WDR70: variants seen among roughly 807,000 people sequenced by gnomAD.
WDR70 encodes WD repeat-containing protein 70.
A neutral mutation model predicts 88.6 loss-of-function variants in WDR70; 53 were observed. The observed-to-expected ratio is 0.60, with a 90% CI of 0.48 to 0.75. WDR70 has a LOEUF of 0.75. WDR70 is among the 30% of genes least tolerant of loss of function. The pLI, the probability that WDR70 is intolerant of heterozygous loss-of-function variation, is 0.00. For synonymous variants in WDR70, 280 were observed against 270.0 expected (o/e 1.04, Z -0.36); for missense variants, 610 against 823.2 (o/e 0.74, Z 3.17).
chr5:37,559,086 A>C (rs1182751671), intron 9 of WDR70, among the ~76,000 whole-genome samples: 3 of 151,994 alleles, frequency 2.0e-5, no homozygotes, highest in Non-Finnish European at 4.4e-5. Flanking sequence ...GGTGCCCGCC[A>C]CCATGCCCAG....
chr5:37,600,959 T>A (rs1291500195), intron 9 of WDR70, among the ~76,000 whole-genome samples: 4 of 152,246 alleles, frequency 2.6e-5, no homozygotes, highest in Non-Finnish European at 5.9e-5. Context: ...TTTAGAGTTT[T>A]CTGTATGTAA....
At chr5:37,745,453 G>T (rs547741232) in intron 17 of WDR70, among the ~76,000 whole-genome samples, 2 of 151,768 alleles carry the variant, frequency 1.3e-5, no homozygotes, top group East Asian at 3.9e-4. Flanking sequence ...TGGGCTAAAT[G>T]TCCCAATTAA....
chr5:37,569,843 A>G (rs936903976), intron 9 of WDR70, among the ~76,000 whole-genome samples: 1 of 152,210 alleles, frequency 6.6e-6, no homozygotes, highest in African/African-American at 2.4e-5. Flanking sequence ...TTAGGCCTAA[A>G]GGATGGATTG....
At chr5:37,385,504 G>A (rs1378251158) in intron 3 of WDR70, among the ~76,000 whole-genome samples, 1 of 116,896 alleles carries the variant, frequency 8.6e-6, no homozygotes, top group Non-Finnish European at 1.7e-5. Flanking sequence ...GAGTAAAAAA[G>A]CGAGAGCCTG....
At chr5:37,626,357 T>G (rs1561928136) in intron 10 of WDR70, among the ~76,000 whole-genome samples, 1 of 152,232 alleles carries the variant, frequency 6.6e-6, no homozygotes, top group East Asian at 1.9e-4. Flanking sequence ...TATTTCTACA[T>G]CTATTGAGAT....
chr5:37,426,561 A>G (rs1190588934), intron 5 of WDR70, among the ~76,000 whole-genome samples: 1 of 152,204 alleles, frequency 6.6e-6, no homozygotes, highest in Non-Finnish European at 1.5e-5. Flanking sequence ...CCTTACTTAC[A>G]TAGCGGGTGC....
chr5:37,525,023 A>G (rs1741217786), intron 9 of WDR70, among the ~76,000 whole-genome samples: 1 of 152,156 alleles, frequency 6.6e-6, no homozygotes, highest in African/African-American at 2.4e-5. Flanking sequence ...CCTGCACAAT[A>G]ATAATGGGAG....
At chr5:37,478,402 C>G (rs1298334338) in intron 7 of WDR70, among the ~76,000 whole-genome samples, 1 of 152,198 alleles carries the variant, frequency 6.6e-6, no homozygotes, top group Non-Finnish European at 1.5e-5. Flanking sequence ...GTGGTTGATA[C>G]AGCATCAGAT....
At chr5:37,421,457 A>C (rs147316989) in intron 5 of WDR70, among the ~76,000 whole-genome samples, 1 of 152,300 alleles carries the variant, frequency 6.6e-6, no homozygotes, top group East Asian at 1.9e-4. Flanking sequence ...TATCTCTTTC[A>C]TCAAGGAAGA....
At chr5:37,638,530 T>G (rs1249564585) in intron 10 of WDR70, among the ~76,000 whole-genome samples, 1 of 152,186 alleles carries the variant, frequency 6.6e-6, no homozygotes, top group Admixed American at 6.5e-5. Flanking sequence ...GGTAGTAAGT[T>G]TTGTGTCTCA....
At chr5:37,744,556 T>C (rs1748585858) in intron 17 of WDR70, among the ~76,000 whole-genome samples, 1 of 151,926 alleles carries the variant, frequency 6.6e-6, no homozygotes, top group South Asian at 2.1e-4. Flanking sequence ...GAGGAATTGC[T>C]AAACTAGAAT....
Position 37,506,962 on chromosome 5 carries a change from T to C in WDR70, c.841-9552T>C, listed in dbSNP as rs114811674. On this transcript the variant is annotated intron_variant, in intron 8 of 17. Transcript: ENST00000265107. ...TTCCCTTCCCTCCACCCACTTGGAT[T>C]CACCTCCCTTTGCCACCTTCCTGCC... The C allele has an allele frequency of 7.9e-4, 541 of 685,652 alleles. 3 individuals are homozygous for C. The African/African-American group carries it at 8.7e-3, about 11-fold the overall frequency. 42.5% of individuals were successfully genotyped at this position (685,652 alleles called of 1,614,324 possible).
chr5:37,685,007 C>G (rs1436726715), intron 10 of WDR70, among the ~76,000 whole-genome samples: 1 of 152,124 alleles, frequency 6.6e-6, no homozygotes, highest in East Asian at 1.9e-4. Context: ...AAGCACAGGT[C>G]TGTGTGTGCC....
Position 37,752,651 on chromosome 5 carries a change from A to G in WDR70, c.*78A>G, listed in dbSNP as rs1748849511. 2 of 1,033,972 alleles carry G rather than the reference A, an allele frequency of 1.9e-6. No homozygotes were observed. Among genetic ancestry groups the G allele is most frequent in the East Asian group, 5.2e-5 (2 of 38,378 alleles). The allele number at this position is 1,033,972 out of a possible 1,614,324, so 64.0% of individuals were successfully genotyped here. On this transcript the variant is annotated 3_prime_UTR_variant, in exon 18 of 18. Transcript: ENST00000265107. ...TGGGTTTTTTTTTTATGCTCATGAA[A>G]TTAAAAATTCATTTTTATGAACAGG...
chr5:37,698,150 C>T (rs1160954439), intron 11 of WDR70, among the ~76,000 whole-genome samples: 1 of 151,798 alleles, frequency 6.6e-6, no homozygotes, highest in East Asian at 1.9e-4. Flanking sequence ...GCTTTTTTTT[C>T]TCTGCCAGTT....
intron 8 of WDR70, among the ~76,000 whole-genome samples, chr5:37,503,370 AG>A (rs1473106871): frequency 2.6e-5 from 4 of 152,170 alleles, no homozygotes; most frequent in African/African-American, 9.7e-5. Context: ...TCACTCAGGT[AG>A]TAAGCCTAGT....
chr5:37,451,145 G>T (rs1164293884), intron 7 of WDR70, among the ~76,000 whole-genome samples: 2 of 152,062 alleles, frequency 1.3e-5, no homozygotes, highest in Admixed American at 6.6e-5. Context: ...TGATCTGCCC[G>T]TCTTGGTCTC....
chr5:37,387,803 A>G (rs1748671836), intron 3 of WDR70, among the ~76,000 whole-genome samples: 4 of 152,144 alleles, frequency 2.6e-5, no homozygotes, highest in Non-Finnish European at 5.9e-5. Flanking sequence ...AGACAGTTTG[A>G]CTTACTTTTC....
At chr5:37,555,753 C>A (rs941624167) in intron 9 of WDR70, among the ~76,000 whole-genome samples, 1 of 152,070 alleles carries the variant, frequency 6.6e-6, no homozygotes, top group Non-Finnish European at 1.5e-5. Context: ...GAGTCTTGCT[C>A]TGTTGCCCAG....
Sources: allele counts gnomAD v4.1 joint callset (sites outside exome capture counted in the v4.1 genomes callset), GRCh38; gene constraint gnomAD v4.1.1; transcripts MANE v1.5; gene names NCBI Gene and HGNC (gene_info 2026-07-23, HGNC 2026-07-21).